The following NF2 variants were observed in gnomAD, a reference collection of about 807,000 sequenced individuals.
The protein encoded by NF2 is merlin.
Under a neutral mutation model 83.7 loss-of-function variants are expected in NF2, and 8 were observed. That is an observed-to-expected ratio of 0.10 (90% CI 0.06 to 0.17). The LOEUF is 0.17. Among genes scored for constraint, NF2 ranks in the 10% least tolerant of loss-of-function variants. NF2 has a pLI of 1.00. For missense variants in NF2, 533 were observed against 744.4 expected (o/e 0.72, Z 3.31); for synonymous variants, 266 against 269.6 (o/e 0.99, Z 0.13).
At position 29,668,416 on chromosome 22, in the gene NF2, C is replaced by T. The variant is rs775119805; in HGVS notation, c.969C>T (p.Ala323=). 1.2e-6 allele frequency: 2 copies of T among 1,613,846 alleles called. No individual in the cohort carries two copies. Among genetic ancestry groups the T allele is most frequent in the Non-Finnish European group, 1.7e-6 (2 of 1,179,836 alleles). Residue 323 remains alanine (A), a synonymous_variant, in exon 10 of 16, where the codon GCC becomes GCT. Transcript: ENST00000338641. ...ADSLEVQQMK[A]QAREEKARKQ... Reference sequence around the variant, plus strand: ...CTTTGGAAGTTCAGCAGATGAAAGCCCAGGCCAGGGAGGAGAAGGCTAGAA... The same window carrying T: ...CTTTGGAAGTTCAGCAGATGAAAGCTCAGGCCAGGGAGGAGAAGGCTAGAA...
rs2146870660 is a variant in NF2, at chr22:29,639,127, C to G, written c.278C>G (p.Thr93Ser). 6.2e-7 allele frequency: 1 copy of G among 1,614,182 alleles called. No homozygotes were observed. The highest frequency in any genetic ancestry group is 8.5e-7 in the Non-Finnish European group (1 of 1,180,028). ...GATGTTTCAAAGGAAGAACCAGTCA[C>G]CTTTCACTTCTTGGCCAAATTTTAT... ...DHDVSKEEPV[T>S]FHFLAKFYPE... The change falls in exon 3 of 16, where the codon ACC becomes AGC. Residue 93 changes from threonine to serine, a missense_variant. Physicochemically the swap from Thr to Ser is moderately conservative, Grantham distance 58 (BLOSUM62 1). Transcript: ENST00000338641.
intron 6 of NF2, among the ~76,000 whole-genome samples, 177 bp from the exon 7 acceptor site, chr22:29,658,012 T>A (rs1421779867): frequency 2.0e-5 from 3 of 152,100 alleles, no homozygotes; most frequent in Non-Finnish European, 4.4e-5. Context: ...TTGACCTCAG[T>A]GTGTTTAATA....
intron 3 of NF2, 52 bp from the exon 4 acceptor site, chr22:29,642,150 A>G: frequency 1.4e-6 from 2 of 1,430,090 alleles, no homozygotes; most frequent in Admixed American, 3.3e-5. Flanking sequence ...ATCAGCCTAC[A>G]CACCTCACTT....
intron 1 of NF2, among the ~76,000 whole-genome samples, chr22:29,613,742 G>A (rs1455438482): frequency 6.6e-6 from 1 of 151,420 alleles, no homozygotes; most frequent in East Asian, 2.0e-4. Flanking sequence ...CTGTGAGAAG[G>A]AATAGTCCTT....
chr22:29,628,640 T>C (rs1386249448), intron 1 of NF2, among the ~76,000 whole-genome samples: 2 of 148,738 alleles, frequency 1.3e-5, no homozygotes, highest in African/African-American at 5.0e-5. Flanking sequence ...TTTTTTTTTT[T>C]TTTTTTTTTT....
intron 15 of NF2, among the ~76,000 whole-genome samples, chr22:29,685,786 T>C (rs866043058): frequency 2.6e-5 from 4 of 152,128 alleles, no homozygotes; most frequent in African/African-American, 9.7e-5. Flanking sequence ...GTTTCAGCAG[T>C]ACCCATGGGG....
In NF2 at chr22:29,660,460, G is replaced by A. The variant is rs574655456; in HGVS notation, c.676-745G>A. On this transcript the variant is annotated intron_variant, in intron 7 of 15. Coordinates refer to ENST00000338641, the MANE Select transcript of NF2 (RefSeq NM_000268.4). Reference sequence around the variant, plus strand: ...TACCAGACTTGCTTTATCACATGAAGACTACATTTTATCATAAAATGAGAC... The same window carrying A: ...TACCAGACTTGCTTTATCACATGAAAACTACATTTTATCATAAAATGAGAC... Among the ~76,000 whole-genome samples the A allele has an allele frequency of 8.5e-5, 13 of 152,232 alleles. No individual in the cohort carries two copies. In the South Asian group the frequency reaches 2.1e-3, roughly 24 times the overall value.
At chr22:29,620,786 C>A (rs978973305) in intron 1 of NF2, among the ~76,000 whole-genome samples, 2 of 151,986 alleles carry the variant, frequency 1.3e-5, no homozygotes, top group Non-Finnish European at 2.9e-5. Context: ...TCTCAAACTC[C>A]TGTGCTCAAG....
At position 29,673,255 on chromosome 22, in the gene NF2, A is replaced by G; in HGVS notation, c.1123-14A>G. ...ACATGATCCCACTTCAGCTAAGAGC[A>G]CTGTGCCCTCCAGATGCGGTCTGAG... On this transcript the variant is annotated splice_polypyrimidine_tract_variant and intron_variant, in intron 11 of 15. Coordinates refer to ENST00000338641, the MANE Select transcript of NF2 (RefSeq NM_000268.4). 2 of 1,558,424 alleles carry G rather than the reference A, an allele frequency of 1.3e-6. No individual in the cohort carries two copies. Among genetic ancestry groups the G allele is most frequent in the East Asian group, 2.4e-5 (1 of 42,140 alleles).
rs773299250 is a variant in NF2, at chr22:29,694,845, C to G, written c.*43C>G. The stretch of plus-strand genomic sequence containing the variant: ...CCAGGACCTGCCACTTCTCCTGCTA[C>G]CGGGACCGCGGGATGGACCAGATAT... On this transcript the variant is annotated 3_prime_UTR_variant, in exon 16 of 16. Coordinates refer to ENST00000338641, the MANE Select transcript of NF2 (RefSeq NM_000268.4). The surrounding 1 kb of genome is among the most constrained non-coding windows in gnomAD (Gnocchi z 4.1). The G allele has an allele frequency of 3.1e-6, 5 of 1,598,222 alleles. No homozygotes were observed. The highest frequency in any genetic ancestry group is 1.7e-5 in the Admixed American group (1 of 59,036).
chr22:29,682,492 C>G (rs1396186288), intron 15 of NF2, among the ~76,000 whole-genome samples: 1 of 152,190 alleles, frequency 6.6e-6, no homozygotes, highest in Non-Finnish European at 1.5e-5. Flanking sequence ...CAGTAGGCAG[C>G]CCTGACTTCT....
intron 7 of NF2, 84 bp downstream of exon 7, chr22:29,658,348 T>G: frequency 8.7e-7 from 1 of 1,153,850 alleles, no homozygotes; most frequent in Non-Finnish European, 1.3e-6. Flanking sequence ...ACTTCTTCAT[T>G]CCAAGGCGAT....
intron 1 of NF2, among the ~76,000 whole-genome samples, chr22:29,613,050 C>T (rs775967473): frequency 1.3e-5 from 2 of 151,702 alleles, no homozygotes; most frequent in African/African-American, 2.4e-5. Context: ...GCTGAGATCA[C>T]GCGCCACTGC....
chr22:29,624,817 CTTT>C (rs2065307284), intron 1 of NF2, among the ~76,000 whole-genome samples: 1 of 127,954 alleles, frequency 7.8e-6, no homozygotes, highest in Admixed American at 7.4e-5. Context: ...TTCTTTCTTT[CTTT>C]CTTTCTTTCT....
In NF2 at chr22:29,681,601, G is replaced by A. The variant is rs1569312133; in HGVS notation, c.1737G>A (p.Lys579=). 1 of 1,613,894 alleles carries A rather than the reference G, an allele frequency of 6.2e-7. No individual in the cohort carries two copies. The highest frequency in any genetic ancestry group is 8.5e-7 in the Non-Finnish European group (1 of 1,179,958). The change falls in exon 15 of 16, where the codon AAG becomes AAA. Residue 579 remains lysine (K), a splice_region_variant and synonymous_variant. Transcript: ENST00000338641. The stretch of plus-strand genomic sequence containing the variant: ...GCAGCAAGCACAATACCATTAAAAA[G>A]GTACCCAGGGTCTCTTTCTTGTATT... ...GGSSKHNTIK[K]LTLQSAKSRV... is the part of the protein sequence containing the mutation.
chr22:29,603,740 G>C lies in NF2; in HGVS notation c.-259G>C. ...CTCCGGCCCGAATCCCGGAGTGCCG[G>C]GTCGCGCCTGCACCGAAGGTCCCGG... On this transcript the variant is annotated 5_prime_UTR_variant, in exon 1 of 16. Coordinates refer to ENST00000338641, the MANE Select transcript of NF2 (RefSeq NM_000268.4). 2.1e-6 allele frequency: 1 copy of C among 465,590 alleles called. No homozygotes were observed. Among genetic ancestry groups the C allele is most frequent in the Non-Finnish European group, 3.8e-6 (1 of 265,048 alleles). 28.8% of individuals were successfully genotyped at this position (465,590 alleles called of 1,614,324 possible).
intron 15 of NF2, among the ~76,000 whole-genome samples, chr22:29,682,503 A>G (rs1390429534): frequency 6.6e-6 from 1 of 152,106 alleles, no homozygotes; most frequent in African/African-American, 2.4e-5. Context: ...CCTGACTTCT[A>G]CCTCTCGACT....
chr22:29,672,528 G>A (rs1245925694), intron 11 of NF2, among the ~76,000 whole-genome samples: 2 of 151,800 alleles, frequency 1.3e-5, no homozygotes, highest in Non-Finnish European at 2.9e-5. Flanking sequence ...TGGTCAGGCT[G>A]GTTTCGAACT....
At position 29,603,791 on chromosome 22, in the gene NF2, A is replaced by G. The variant is rs1453306225; in HGVS notation, c.-208A>G. On this transcript the variant is annotated 5_prime_UTR_variant, in exon 1 of 16. Coordinates refer to ENST00000338641, the MANE Select transcript of NF2 (RefSeq NM_000268.4). ...CTCCTGTGCCCTCCCTGCAGCCGTC[A>G]GGGCCCGTCCCCCAACTCCCCTTTC... is the stretch of plus-strand genomic sequence containing the variant. The G allele has an allele frequency of 3.5e-6, 2 of 571,398 alleles. No individual in the cohort carries two copies. The highest frequency in any genetic ancestry group is 1.9e-5 in the African/African-American group (1 of 51,284). 35.4% of individuals were successfully genotyped at this position (571,398 alleles called of 1,614,324 possible). A position where few individuals can be genotyped will look rare whatever the true frequency, so the allele number is the denominator to read the frequency against.
Sources: allele counts gnomAD v4.1 joint callset (sites outside exome capture counted in the v4.1 genomes callset), GRCh38; gene constraint gnomAD v4.1.1; non-coding constraint Gnocchi (gnomAD v3.1); transcripts MANE v1.5; gene names NCBI Gene and HGNC (gene_info 2026-07-23, HGNC 2026-07-21).